Variants in NRXN1 observed in about 807,000 individuals in gnomAD.
NRXN1 encodes the protein neurexin 1.
Under a neutral mutation model 150.9 loss-of-function variants are expected in NRXN1, and 39 were observed. The ratio of observed to expected loss-of-function variants is 0.26; its 90% confidence interval spans 0.20 to 0.34. NRXN1 has a LOEUF of 0.34. Ranked by LOEUF, NRXN1 falls within the 10% of genes least tolerant of loss-of-function variation. The pLI is 1.00. For synonymous variants in NRXN1, 924 were observed against 757.0 expected, an observed-to-expected ratio of 1.22 and a Z score of -3.62; for missense variants, 1,815 against 1,949.9, an observed-to-expected ratio of 0.93 and a Z score of 1.30.
chr2:50,092,702 A>G (rs1214909797), intron 18 of NRXN1, among the ~76,000 whole-genome samples: 1 of 152,214 alleles, frequency 6.6e-6, no homozygotes, highest in Admixed American at 6.5e-5. Flanking sequence ...AATCTTTTTC[A>G]AAATTGTATT....
chr2:49,989,559 C>T (rs1297933845), intron 21 of NRXN1, among the ~76,000 whole-genome samples: 3 of 152,062 alleles, frequency 2.0e-5, no homozygotes, highest in African/African-American at 7.2e-5. Flanking sequence ...ACACACCACA[C>T]GGAGCCATGA....
chr2:49,983,852 C>T (rs1342230796), intron 21 of NRXN1, among the ~76,000 whole-genome samples: 2 of 152,116 alleles, frequency 1.3e-5, no homozygotes, highest in African/African-American at 2.4e-5. Context: ...CATATATTCT[C>T]TCATTTTCTC....
chr2:50,987,625 C>A (rs1362982284), intron 2 of NRXN1, among the ~76,000 whole-genome samples: 1 of 152,048 alleles, frequency 6.6e-6, no homozygotes, highest in South Asian at 2.1e-4. Context: ...GTATAACAAC[C>A]TCCCACTCTA....
At chr2:50,762,453 G>A (rs757121334) in intron 5 of NRXN1, among the ~76,000 whole-genome samples, 13 of 151,928 alleles carry the variant, frequency 8.6e-5, no homozygotes, top group Admixed American at 2.6e-4. Flanking sequence ...AGTAAGCATA[G>A]TGCCCAGTAG....
intron 17 of NRXN1, among the ~76,000 whole-genome samples, chr2:50,241,345 G>T (rs1303749477): frequency 6.6e-6 from 1 of 151,666 alleles, no homozygotes. Context: ...AGTTAAATAT[G>T]CAGTGGCAGT....
intron 19 of NRXN1, among the ~76,000 whole-genome samples, chr2:50,055,859 A>C (rs1693518592): frequency 6.6e-6 from 1 of 152,054 alleles, no homozygotes; most frequent in South Asian, 2.1e-4. Flanking sequence ...TTAAGGAACG[A>C]ATATAAGCCA....
chr2:50,440,627 A>C (rs2085868551), intron 17 of NRXN1, among the ~76,000 whole-genome samples: 1 of 152,112 alleles, frequency 6.6e-6, no homozygotes, highest in African/African-American at 2.4e-5. Flanking sequence ...TTGAAGTAGT[A>C]ATGTTTGAAC....
At chr2:50,059,616 A>G (rs547124147) in intron 19 of NRXN1, among the ~76,000 whole-genome samples, 1 of 152,340 alleles carries the variant, frequency 6.6e-6, no homozygotes, top group East Asian at 1.9e-4. Flanking sequence ...CATCTTCACA[A>G]CAGCACTTCC....
At chr2:50,362,923 C>A (rs543435587) in intron 17 of NRXN1, among the ~76,000 whole-genome samples, 1 of 152,180 alleles carries the variant, frequency 6.6e-6, no homozygotes, top group Admixed American at 6.5e-5. Context: ...ATAGAGGCCT[C>A]AGAAATAACA....
At chr2:50,788,188 G>A (rs1185078252) in intron 5 of NRXN1, among the ~76,000 whole-genome samples, 1 of 151,458 alleles carries the variant, frequency 6.6e-6, no homozygotes, top group African/African-American at 2.4e-5. Flanking sequence ...CTGGGTTCAC[G>A]CCATTCTCCT....
chr2:50,250,947 G>GGCATATGTAATAAATTTATTACACATT (rs1559171928), intron 17 of NRXN1, among the ~76,000 whole-genome samples: 4 of 145,666 alleles, frequency 2.7e-5, no homozygotes, highest in East Asian at 4.1e-4. Flanking sequence ...TATTACATAT[G>GGCATATGTAATAAATTTATTACACATT]GCATATGTAA....
rs1667999363 is a variant in NRXN1 at position 49,920,469 on chromosome 2, A to C, written c.*1475T>G. 6.6e-6 allele frequency: 1 copy of C among 152,606 alleles called. No individual in the cohort carries two copies. Among genetic ancestry groups the C allele is most frequent in the East Asian group, 1.9e-4 (1 of 5,198 alleles). The allele number at this position is 152,606 out of a possible 1,614,324, so 9.5% of individuals were successfully genotyped here. A position where few individuals can be genotyped will look rare whatever the true frequency, so the allele number is the denominator to read the frequency against. ...CCCACATAATGGTTCTTATTCATGC[A>C]GCAGTATATCAGTGATATTCTATTT... is the stretch of plus-strand genomic sequence containing the variant. On this transcript the variant is annotated 3_prime_UTR_variant, in exon 23 of 23. Transcript: ENST00000401669.
At chr2:50,640,881 GA>G (rs1176408885) in intron 5 of NRXN1, among the ~76,000 whole-genome samples, 6 of 152,216 alleles carry the variant, frequency 3.9e-5, no homozygotes, top group Admixed American at 3.9e-4. Flanking sequence ...ACCATTCAAA[GA>G]AGGCAACTGT....
chr2:50,922,033 A>G (rs1295451481), intron 4 of NRXN1, among the ~76,000 whole-genome samples, 153 bp from the exon 5 acceptor site: 1 of 151,922 alleles, frequency 6.6e-6, no homozygotes, highest in Non-Finnish European at 1.5e-5. Context: ...GGTTTTGAAG[A>G]CAAATGGAGA....
At chr2:50,092,004 A>G (rs1699646201) in intron 18 of NRXN1, among the ~76,000 whole-genome samples, 1 of 152,174 alleles carries the variant, frequency 6.6e-6, no homozygotes, top group African/African-American at 2.4e-5. Context: ...AAAACCATCA[A>G]ATACTAACAG....
intron 2 of NRXN1, among the ~76,000 whole-genome samples, chr2:50,944,888 A>C (rs1321083556): frequency 6.6e-6 from 1 of 152,224 alleles, no homozygotes; most frequent in East Asian, 1.9e-4. Context: ...AATGCATGTA[A>C]ATTAACAGAT....
At chr2:50,530,568 T>C (rs1392622965) in intron 11 of NRXN1, among the ~76,000 whole-genome samples, 1 of 152,172 alleles carries the variant, frequency 6.6e-6, no homozygotes, top group Non-Finnish European at 1.5e-5. Flanking sequence ...GGGTCTTTCT[T>C]AATGCTACAA....
chr2:50,444,408 A>G (rs565526425), intron 17 of NRXN1, among the ~76,000 whole-genome samples: 2 of 152,306 alleles, frequency 1.3e-5, no homozygotes, highest in East Asian at 1.9e-4. Flanking sequence ...CAGCACCCAC[A>G]GAACCCATAA....
chr2:50,356,992 T>C (rs76306924), intron 17 of NRXN1, among the ~76,000 whole-genome samples: 3,868 of 152,198 alleles, frequency 0.025, 139 homozygotes, highest in East Asian at 0.11. Flanking sequence ...CCTTAAATGA[T>C]GAAAACTGGG....
Sources: gnomAD v4.1 joint callset for allele counts (sites outside exome capture counted in the v4.1 genomes callset) on GRCh38, gnomAD v4.1.1 for gene constraint, MANE v1.5 for transcripts, NCBI Gene and HGNC (gene_info 2026-07-23, HGNC 2026-07-21) for gene names.